Variants in HEPHL1 observed in about 807,000 individuals in gnomAD.
The protein encoded by HEPHL1 is hephaestin like 1.
Under a neutral mutation model 122.0 loss-of-function variants are expected in HEPHL1, and 123 were observed. The observed-to-expected ratio is 1.01, with a 90% CI of 0.87 to 1.17. The LOEUF is 1.17. Among genes scored for constraint, HEPHL1 ranks in the 50% most tolerant of loss-of-function variants. The pLI is 0.00. For missense variants in HEPHL1, 1,452 were observed against 1,430.5 expected (o/e 1.01, Z -0.24); for synonymous variants, 527 against 508.9 (o/e 1.04, Z -0.48).
chr11:94,101,304 A>G lies in HEPHL1; in HGVS notation c.2544A>G (p.Gly848=), dbSNP rs769456361. 2.5e-6 allele frequency: 4 copies of G among 1,613,590 alleles called. No individual in the cohort carries two copies. The South Asian group carries it at 4.4e-5, about 18-fold the overall frequency. ...AGGGTGTGGAGGAGATGGATAGTGG[A>G]AAGCAATTCCAAGTGCCCATGACAA... ...SAQGVEEMDS[G]KQFQVPMTKP... Residue 848 remains glycine, a synonymous_variant, in exon 14 of 20, where the codon GGA becomes GGG. Transcript: ENST00000315765.
intron 1 of HEPHL1, among the ~76,000 whole-genome samples, chr11:94,036,934 T>A (rs1945730396): frequency 6.6e-6 from 1 of 151,630 alleles, no homozygotes; most frequent in Non-Finnish European, 1.5e-5. Context: ...AGACGGGTGA[T>A]TTCTGCATTT....
intron 13 of HEPHL1, among the ~76,000 whole-genome samples, chr11:94,099,526 ACT>A (rs1451181680): frequency 6.6e-6 from 1 of 151,758 alleles, no homozygotes; most frequent in East Asian, 1.9e-4. Flanking sequence ...GAGAACCACT[ACT>A]CTCTTCAAAG....
chr11:94,103,094 G>C, intron 15 of HEPHL1, 74 bp downstream of exon 15: 2 of 860,258 alleles, frequency 2.3e-6, no homozygotes, highest in Non-Finnish European at 4.0e-6. Context: ...ATCACAATTT[G>C]GGTTGGTATA....
chr11:94,038,133 A>G (rs1228950342), intron 1 of HEPHL1, among the ~76,000 whole-genome samples: 3 of 151,108 alleles, frequency 2.0e-5, no homozygotes, highest in Non-Finnish European at 4.4e-5. Context: ...ATGGAAGATG[A>G]AATGAATGAA....
At chr11:94,071,529 T>C (rs908417677) in intron 6 of HEPHL1, among the ~76,000 whole-genome samples, 1 of 152,160 alleles carries the variant, frequency 6.6e-6, no homozygotes, top group African/African-American at 2.4e-5. Flanking sequence ...CCTTCTAGAA[T>C]TCTGAAGTGC....
Position 94,073,047 on chromosome 11 carries a change from C to A in HEPHL1, c.1255C>A (p.Gln419Lys). 5.0e-6 allele frequency: 8 copies of A among 1,612,568 alleles called. No individual in the cohort carries two copies. The highest frequency in any genetic ancestry group is 6.8e-6 in the Non-Finnish European group (8 of 1,178,990). The change falls in exon 7 of 20, where the codon CAA (glutamine) becomes AAA (lysine). Residue 419 changes from glutamine (Q) to lysine (K), a missense_variant. By Grantham distance (53) the Gln-to-Lys change is moderately conservative. Coordinates refer to ENST00000315765, the MANE Select transcript of HEPHL1 (RefSeq NM_001098672.2). Reference protein sequence around the residue: ...SGSDSDLYFTQGDNRIGGKYW... With the variant: ...SGSDSDLYFTKGDNRIGGKYW... ...CAGTGACTCTGATCTCTACTTCACA[C>A]AAGGGGACAACAGAATAGGAGGAAA...
At chr11:94,033,967 C>T (rs1191627256) in intron 1 of HEPHL1, among the ~76,000 whole-genome samples, 1 of 152,066 alleles carries the variant, frequency 6.6e-6, no homozygotes, top group East Asian at 1.9e-4. Flanking sequence ...TCAAAGGGTG[C>T]TTGGCAGGTA....
Position 94,086,198 on chromosome 11 carries a change from G to T in HEPHL1, c.2080+9G>T, listed in dbSNP as rs987550837. ...GCAGCCAGACCATGCAGGTAAACTT[G>T]CTGGGTCCATCTCAGGTGACCAGAT... On this transcript the variant is annotated intron_variant, in intron 11 of 19. Transcript: ENST00000315765. 2.5e-6 allele frequency: 4 copies of T among 1,599,426 alleles called. No homozygotes were observed. Among genetic ancestry groups the T allele is most frequent in the Non-Finnish European group, 3.4e-6 (4 of 1,172,602 alleles).
chr11:94,049,435 T>C (rs976169442), intron 2 of HEPHL1, among the ~76,000 whole-genome samples: 1 of 151,984 alleles, frequency 6.6e-6, no homozygotes, highest in African/African-American at 2.4e-5. Flanking sequence ...GAAAACAGTA[T>C]GGAGATTCTT....
intron 4 of HEPHL1, among the ~76,000 whole-genome samples, 169 bp from the exon 5 acceptor site, chr11:94,067,325 TTC>T (rs1946042361): frequency 6.6e-6 from 1 of 152,210 alleles, no homozygotes; most frequent in Non-Finnish European, 1.5e-5. Context: ...AACATTTCAT[TTC>T]TCTTTTGGAC....
chr11:94,035,681 A>C (rs1945714194), intron 1 of HEPHL1, among the ~76,000 whole-genome samples: 1 of 152,194 alleles, frequency 6.6e-6, no homozygotes, highest in South Asian at 2.1e-4. Flanking sequence ...CCTATGACAA[A>C]GGCAGGCAGA....
chr11:94,067,772 G>T (rs559502401), intron 5 of HEPHL1, 22 bp downstream of exon 5: 2 of 1,611,044 alleles, frequency 1.2e-6, no homozygotes, highest in Non-Finnish European at 1.7e-6. Context: ...AAAGACCAGA[G>T]TTGATATGTT....
At chr11:94,111,161 A>G in intron 18 of HEPHL1, 96 bp downstream of exon 18, 1 of 955,432 alleles carries the variant, frequency 1.0e-6, no homozygotes, top group Non-Finnish European at 1.6e-6. Context: ...ATAGCCCTCA[A>G]CAAGCTCAGA....
At chr11:94,047,544 C>T (rs925215172) in intron 2 of HEPHL1, among the ~76,000 whole-genome samples, 5 of 152,294 alleles carry the variant, frequency 3.3e-5, no homozygotes, top group African/African-American at 1.2e-4. Flanking sequence ...TCATCTCATT[C>T]TTCTTATGGC....
At chr11:94,030,841 C>T (rs1945668086) in intron 1 of HEPHL1, among the ~76,000 whole-genome samples, 1 of 152,142 alleles carries the variant, frequency 6.6e-6, no homozygotes, top group African/African-American at 2.4e-5. Flanking sequence ...TAGACACATG[C>T]AGGCTTAGTG....
At chr11:94,094,755 A>T (rs1946296115) in intron 13 of HEPHL1, among the ~76,000 whole-genome samples, 1 of 152,132 alleles carries the variant, frequency 6.6e-6, no homozygotes, top group Non-Finnish European at 1.5e-5. Context: ...GCCAGTGATG[A>T]TGAGCATTTT....
chr11:94,027,039 A>C (rs1945631492), intron 1 of HEPHL1, among the ~76,000 whole-genome samples: 1 of 152,182 alleles, frequency 6.6e-6, no homozygotes, highest in Non-Finnish European at 1.5e-5. Flanking sequence ...TGTCAGGGCC[A>C]CAATGCCTCT....
chr11:94,058,284 AT>A (rs953019191), intron 2 of HEPHL1, among the ~76,000 whole-genome samples: 5 of 151,940 alleles, frequency 3.3e-5, no homozygotes, highest in Admixed American at 6.6e-5. Context: ...ATGGTTTGTT[AT>A]TTTTTTTAAA....
chr11:94,110,918 C>G lies in HEPHL1; in HGVS notation c.3061C>G (p.Arg1021Gly), dbSNP rs372726802. 46 of 1,611,342 alleles carry G rather than the reference C, an allele frequency of 2.9e-5. No individual in the cohort carries two copies. Among genetic ancestry groups the G allele is most frequent in the Admixed American group, 2.0e-4 (12 of 59,756 alleles). ...GTTTTTGCAGATAGATAAATCTTAC[C>G]GAGAAGATGTGTATGATCTCTTTCC... The part of the protein sequence containing the change: ...SFLFKIDKSY[R>G]EDVYDLFPGT... The change falls in exon 18 of 20, where the codon CGA becomes GGA. Residue 1021 changes from arginine to glycine, a missense_variant. Coordinates refer to ENST00000315765, the MANE Select transcript of HEPHL1 (RefSeq NM_001098672.2).
Sources: allele counts gnomAD v4.1 joint callset (sites outside exome capture counted in the v4.1 genomes callset), GRCh38; gene constraint gnomAD v4.1.1; transcripts MANE v1.5; gene names NCBI Gene and HGNC (gene_info 2026-07-23, HGNC 2026-07-21).